Variants in MN1 observed in about 807,000 individuals in gnomAD.
The protein encoded by MN1 is transcriptional activator MN1.
A neutral mutation model predicts 86.9 loss-of-function variants in MN1; 19 were observed. The ratio of observed to expected loss-of-function variants is 0.22; its 90% CI spans 0.15 to 0.32. MN1 has a LOEUF of 0.32. Among genes scored for constraint, MN1 ranks in the 10% least tolerant of loss-of-function variants. The probability of loss-of-function intolerance (pLI) is 1.00; values close to 1 mark genes in which losing one functional copy is unlikely to be tolerated. For synonymous variants in MN1, 928 were observed against 849.6 expected (o/e 1.09, Z -1.60); for missense variants, 1,841 against 1,862.0 (o/e 0.99, Z 0.21).
rs1344541474 is a variant in MN1, at chr22:27,798,389, C to A, written c.2155G>T (p.Val719Leu). ...TCCGAAGCAGCGCTGGGGAGCCCCA[C>A]GCCCGCCCCGGGCGACTGCAGCTGA... is the stretch of plus-strand genomic sequence containing the variant. ...LGQLQSPGAG[V>L]GLPSAASERR... The change falls in exon 1 of 2, where the codon GTG becomes TTG. Residue 719 changes from valine (V) to leucine (L), a missense_variant. Transcript: ENST00000302326. 4 of 1,506,740 alleles carry A rather than the reference C, an allele frequency of 2.7e-6. No individual in the cohort carries two copies. The South Asian group carries it at 3.8e-5, about 14-fold the overall frequency. 93.3% of individuals were successfully genotyped at this position (1,506,740 alleles called of 1,614,324 possible). A position where few individuals can be genotyped will look rare whatever the true frequency, so the allele number is the denominator to read the frequency against.
rs1006805687 is a variant in MN1 at position 27,750,650 on chromosome 22, A to G, written c.*265T>C. The stretch of plus-strand genomic sequence containing the variant: ...AAAAAGGCTTAAGCAAAAGTTTGCT[A>G]ACTGCAGAAGGGTTAACACTGGTAA... On this transcript the variant is annotated 3_prime_UTR_variant, in exon 2 of 2. Coordinates refer to ENST00000302326, the MANE Select transcript of MN1 (RefSeq NM_002430.3). The G allele has an allele frequency of 3.1e-6, 1 of 324,862 alleles. No individual in the cohort carries two copies. The highest frequency in any genetic ancestry group is 4.8e-5 in the Admixed American group (1 of 20,822). 20.1% of individuals were successfully genotyped at this position (324,862 alleles called of 1,614,324 possible).
In MN1 at chr22:27,797,884, G is replaced by T; in HGVS notation, c.2660C>A (p.Ala887Asp). The change falls in exon 1 of 2, where the codon GCC becomes GAC. Residue 887 changes from alanine to aspartate, a missense_variant. Ala to Asp is a moderately radical substitution (Grantham distance 126). Coordinates refer to ENST00000302326, the MANE Select transcript of MN1 (RefSeq NM_002430.3). ...DYFPGGTAPG[A>D]PGPGGPSGTS... ...CCCGGACGGGCCTCCGGGTCCTGGG[G>T]CCCCAGGAGCAGTCCCTCCTGGGAA... 3 of 1,594,094 alleles carry T rather than the reference G, an allele frequency of 1.9e-6. No homozygotes were observed. Among genetic ancestry groups the T allele is most frequent in the Non-Finnish European group, 1.7e-6 (2 of 1,170,878 alleles).
intron 1 of MN1, among the ~76,000 whole-genome samples, chr22:27,795,741 G>A (rs1015687228): frequency 1.6e-4 from 22 of 141,070 alleles, no homozygotes; most frequent in South Asian, 1.1e-3. Context: ...ACACACACAC[G>A]CACTTTATAT....
intron 1 of MN1, among the ~76,000 whole-genome samples, chr22:27,766,014 G>T (rs1329643645): frequency 6.6e-6 from 1 of 152,162 alleles, no homozygotes; most frequent in Admixed American, 6.5e-5. Flanking sequence ...CCAGGAAGAA[G>T]CGCACCTGCC....
Position 27,749,333 on chromosome 22 carries a change from G to T in MN1, c.*1582C>A. On this transcript the variant is annotated 3_prime_UTR_variant, in exon 2 of 2. Coordinates refer to ENST00000302326, the MANE Select transcript of MN1 (RefSeq NM_002430.3). ...GATCTGCAAACTCTGAGGACCTGGA[G>T]GGGGTGGGGGAGCTCAAAGTGGAGC... 4.3e-6 allele frequency: 1 copy of T among 232,102 alleles called. No homozygotes were observed. The highest frequency in any genetic ancestry group is 6.1e-5 in the East Asian group (1 of 16,442). The allele number at this position is 232,102 out of a possible 1,614,324, so 14.4% of individuals were successfully genotyped here. A position where few individuals can be genotyped will look rare whatever the true frequency, so the allele number is the denominator to read the frequency against.
chr22:27,798,585 G>T lies in MN1; in HGVS notation c.1959C>A (p.Pro653=). The change falls in exon 1 of 2, where the codon CCC becomes CCA. Residue 653 remains proline, a synonymous_variant. Coordinates refer to ENST00000302326, the MANE Select transcript of MN1 (RefSeq NM_002430.3). Reference sequence around the variant, plus strand: ...TGGGGTCGTGCGGGCCACAGTCAGCGGGCAGACCCGAGCCGCCCATCCTAC... The same window carrying T: ...TGGGGTCGTGCGGGCCACAGTCAGCTGGCAGACCCGAGCCGCCCATCCTAC... ...LPRRMGGSGL[P]ADCGPHDPSL... 6.5e-7 allele frequency: 1 copy of T among 1,547,698 alleles called. No homozygotes were observed. The highest frequency in any genetic ancestry group is 8.6e-7 in the Non-Finnish European group (1 of 1,156,324).
chr22:27,773,940 C>A (rs2146303087), intron 1 of MN1, among the ~76,000 whole-genome samples: 1 of 152,292 alleles, frequency 6.6e-6, no homozygotes, highest in East Asian at 1.9e-4. Context: ...AGGCGTGAGC[C>A]ACCGCGCCCG....
intron 1 of MN1, among the ~76,000 whole-genome samples, chr22:27,769,353 C>T (rs1363411617): frequency 6.6e-6 from 1 of 151,926 alleles, no homozygotes. Flanking sequence ...AGTAAATTGC[C>T]TGAAGTCAGA....
At chr22:27,777,773 G>C (rs1281080336) in intron 1 of MN1, among the ~76,000 whole-genome samples, 1 of 151,870 alleles carries the variant, frequency 6.6e-6, no homozygotes, top group African/African-American at 2.4e-5. Flanking sequence ...CTACCAGGGA[G>C]GCTGAGGCAA....
Position 27,748,843 on chromosome 22 carries a change from C to T in MN1, c.*2072G>A. 1 of 225,100 alleles carries T rather than the reference C, an allele frequency of 4.4e-6. No homozygotes were observed. Among genetic ancestry groups the T allele is most frequent in the Non-Finnish European group, 8.9e-6 (1 of 112,812 alleles). The allele number at this position is 225,100 out of a possible 1,614,324, so 13.9% of individuals were successfully genotyped here. ...GAAGTTAAGACACTTTGCTCCCCGG[C>T]CTTAAGCAATTAAGGAGAAATCATT... On this transcript the variant is annotated 3_prime_UTR_variant, in exon 2 of 2. Coordinates refer to ENST00000302326, the MANE Select transcript of MN1 (RefSeq NM_002430.3).
chr22:27,750,668 A>G lies in MN1; in HGVS notation c.*247T>C, dbSNP rs1932755449. 2.7e-6 allele frequency: 1 copy of G among 371,154 alleles called. No individual in the cohort carries two copies. Among genetic ancestry groups the G allele is most frequent in the African/African-American group, 2.1e-5 (1 of 48,650 alleles). 23.0% of individuals were successfully genotyped at this position (371,154 alleles called of 1,614,324 possible). A position where few individuals can be genotyped will look rare whatever the true frequency, so the allele number is the denominator to read the frequency against. On this transcript the variant is annotated 3_prime_UTR_variant, in exon 2 of 2. Coordinates refer to ENST00000302326, the MANE Select transcript of MN1 (RefSeq NM_002430.3). ...GTTTGCTAACTGCAGAAGGGTTAAC[A>G]CTGGTAACATACTGTGGCAGACAAG...
chr22:27,783,132 GC>G (rs1022928150), intron 1 of MN1, among the ~76,000 whole-genome samples: 1 of 145,648 alleles, frequency 6.9e-6, no homozygotes, highest in African/African-American at 2.6e-5. Flanking sequence ...ACGTCGTGCT[GC>G]TTTTTTTTTT....
In MN1 at chr22:27,748,572, G is replaced by T. The variant is rs1932720558; in HGVS notation, c.*2343C>A. On this transcript the variant is annotated 3_prime_UTR_variant, in exon 2 of 2. Coordinates refer to ENST00000302326, the MANE Select transcript of MN1 (RefSeq NM_002430.3). The stretch of plus-strand genomic sequence containing the variant: ...TTTTCTTTCCCAAAGAGTTTGCTAT[G>T]CAGTACTGATTACCAGTGTTCGGAG... 4.8e-6 allele frequency: 1 copy of T among 207,138 alleles called. No individual in the cohort carries two copies. The highest frequency in any genetic ancestry group is 1.9e-4 in the South Asian group (1 of 5,310). The allele number at this position is 207,138 out of a possible 1,614,324, so 12.8% of individuals were successfully genotyped here.
chr22:27,801,319 C>T lies in MN1; in HGVS notation c.-776G>A, dbSNP rs1187540241. On this transcript the variant is annotated 5_prime_UTR_variant, in exon 1 of 2. Transcript: ENST00000302326. The stretch of plus-strand genomic sequence containing the variant: ...CGGGGAAAGGCGCGGCTCCTCTGCT[C>T]GGCAGCGGGTGCGCTGCGTTCGGCG... The T allele has an allele frequency of 4.6e-6, 1 of 219,550 alleles. No individual in the cohort carries two copies. The highest frequency in any genetic ancestry group is 9.2e-6 in the Non-Finnish European group (1 of 109,072). The allele number at this position is 219,550 out of a possible 1,614,324, so 13.6% of individuals were successfully genotyped here.
chr22:27,798,509 G>C lies in MN1; in HGVS notation c.2035C>G (p.Pro679Ala). 1 of 1,541,100 alleles carries C rather than the reference G, an allele frequency of 6.5e-7. No individual in the cohort carries two copies. The highest frequency in any genetic ancestry group is 8.7e-7 in the Non-Finnish European group (1 of 1,154,824). ...GGCATCCTCATCGGCTCCTGCAGAG[G>C]GCCCCGGAACAGCACCCCCGAGCCA... ...PGGSGVLFRG[P>A]LQEPMRMPGE... Residue 679 changes from proline (P) to alanine (A), a missense_variant, in exon 1 of 2, where the codon CCT (proline) becomes GCT (alanine). Physicochemically the swap from Pro to Ala is conservative, Grantham distance 27. Coordinates refer to ENST00000302326, the MANE Select transcript of MN1 (RefSeq NM_002430.3).
Position 27,799,535 on chromosome 22 carries a change from A to G in MN1, c.1009T>C (p.Leu337=). The G allele has an allele frequency of 6.9e-7, 1 of 1,457,028 alleles. No homozygotes were observed. The highest frequency in any genetic ancestry group is 9.1e-7 in the Non-Finnish European group (1 of 1,103,638). The allele number at this position is 1,457,028 out of a possible 1,614,324, so 90.3% of individuals were successfully genotyped here. Residue 337 remains leucine (L), a synonymous_variant, in exon 1 of 2, where the codon TTA becomes CTA. Coordinates refer to ENST00000302326, the MANE Select transcript of MN1 (RefSeq NM_002430.3). The part of the protein sequence containing the change: ...LEPSVGSRHP[L]MQPPQQAPPP... ...GGGGCCTGCTGGGGAGGCTGCATTA[A>G]CGGGTGCCTGGAGCCCACTGAGGGC...
At position 27,800,436 on chromosome 22, in the gene MN1, G is replaced by T. The variant is rs960786139; in HGVS notation, c.108C>A (p.Ala36=). 1 of 1,614,222 alleles carries T rather than the reference G, an allele frequency of 6.2e-7. No homozygotes were observed. The highest frequency in any genetic ancestry group is 8.5e-7 in the Non-Finnish European group (1 of 1,180,040). ...GGGGCCCCCCAGTGTGGAAAGCCGG[G>T]GCCTTAAAGTGGGTGTTCATGCTCA... ...TGLSMNTHFK[A]PAFHTGGPPG... is the part of the protein sequence containing the mutation. The change falls in exon 1 of 2, where the codon GCC becomes GCA. Residue 36 remains alanine, a synonymous_variant. Coordinates refer to ENST00000302326, the MANE Select transcript of MN1 (RefSeq NM_002430.3).
Position 27,798,595 on chromosome 22 carries a change from G to A in MN1, c.1949C>T (p.Ser650Leu), listed in dbSNP as rs1211157447. 3.9e-6 allele frequency: 6 copies of A among 1,554,138 alleles called. No homozygotes were observed. Among genetic ancestry groups the A allele is most frequent in the Middle Eastern group, 1.7e-4 (1 of 5,932 alleles). Reference sequence around the variant, plus strand: ...CGGGCCACAGTCAGCGGGCAGACCCGAGCCGCCCATCCTACGGGGCAGCAG... The same window carrying A: ...CGGGCCACAGTCAGCGGGCAGACCCAAGCCGCCCATCCTACGGGGCAGCAG... ...GDLLPRRMGG[S>L]GLPADCGPHD... The change falls in exon 1 of 2, where the codon TCG (serine) becomes TTG (leucine). Residue 650 changes from serine to leucine, a missense_variant. Coordinates refer to ENST00000302326, the MANE Select transcript of MN1 (RefSeq NM_002430.3).
At chr22:27,789,191 C>T (rs1280751913) in intron 1 of MN1, among the ~76,000 whole-genome samples, 2 of 152,104 alleles carry the variant, frequency 1.3e-5, no homozygotes, top group Non-Finnish European at 2.9e-5. Flanking sequence ...TTGAGACATG[C>T]AGGATAAAAA....
Sources: allele counts gnomAD v4.1 joint callset (sites outside exome capture counted in the v4.1 genomes callset), GRCh38; gene constraint gnomAD v4.1.1; transcripts MANE v1.5; gene names NCBI Gene and HGNC (gene_info 2026-07-23, HGNC 2026-07-21).